The following MVB12B variants were observed in gnomAD, a reference collection of about 807,000 sequenced individuals.
MVB12B encodes the protein ESCRT-I complex subunit MVB12B.
In MVB12B, 16 loss-of-function variants were observed where a neutral mutation model predicts 41.6. The ratio of observed to expected loss-of-function variants is 0.38; its 90% confidence interval spans 0.26 to 0.58. MVB12B has a LOEUF of 0.58. MVB12B is among the 20% of genes least tolerant of loss of function. The probability of loss-of-function intolerance (pLI) is 0.62; values close to 1 mark genes in which losing one functional copy is unlikely to be tolerated. For synonymous variants in MVB12B, 133 were observed against 139.7 expected (o/e 0.95, Z 0.34); for missense variants, 274 against 380.2 (o/e 0.72, Z 2.32).
In MVB12B at chr9:126,392,114, G is replaced by T. The variant is rs1046059; in HGVS notation, c.458G>T (p.Arg153Leu). The T allele has an allele frequency of 1.2e-6, 2 of 1,614,188 alleles. No individual in the cohort carries two copies. The highest frequency in any genetic ancestry group is 1.7e-6 in the Non-Finnish European group (2 of 1,180,014). ...AGGCTGTGCATTAAATTTATTCCAC[G>T]GGATTCAACGGAAGCTGCGATTTGT... ...KKRLCIKFIPRDSTEAAICDI... is the reference protein window; with the variant it reads ...KKRLCIKFIPLDSTEAAICDI... Residue 153 changes from arginine (R) to leucine (L), a missense_variant, in exon 5 of 10, where the codon CGG becomes CTG. Arg to Leu is a moderately radical substitution (Grantham distance 102, BLOSUM62 -2). Coordinates refer to ENST00000361171, the MANE Select transcript of MVB12B (RefSeq NM_033446.3). This position sits in a 1 kb window ranked among gnomAD's most constrained non-coding sequence, Gnocchi z 4.8.
intron 2 of MVB12B, among the ~76,000 whole-genome samples, chr9:126,377,870 C>T (rs1830523747): frequency 6.6e-6 from 1 of 152,218 alleles, no homozygotes; most frequent in South Asian, 2.1e-4. Context: ...AGACTTGGTT[C>T]GCTGTCAGAG....
intron 2 of MVB12B, among the ~76,000 whole-genome samples, chr9:126,343,145 CA>C (rs965121685): frequency 3.9e-5 from 6 of 152,188 alleles, no homozygotes; most frequent in African/African-American, 1.4e-4. Flanking sequence ...CTCTCTGGGT[CA>C]GGGGAGCCTT....
chr9:126,489,114 C>T (rs1235571513), intron 9 of MVB12B, among the ~76,000 whole-genome samples: 2 of 152,220 alleles, frequency 1.3e-5, no homozygotes, highest in African/African-American at 2.4e-5. Context: ...AGCATGCGCT[C>T]CTGGGCCCGG....
intron 2 of MVB12B, among the ~76,000 whole-genome samples, chr9:126,349,801 T>C (rs1829698291): frequency 6.6e-6 from 1 of 152,260 alleles, no homozygotes; most frequent in South Asian, 2.1e-4. Context: ...CCATTATGAA[T>C]AAAGTTGCTA....
At chr9:126,351,483 C>CTTTTTTTTTTTTTTTTT (rs34141510) in intron 2 of MVB12B, among the ~76,000 whole-genome samples, 1 of 86,298 alleles carries the variant, frequency 1.2e-5, no homozygotes, top group African/African-American at 4.6e-5. Context: ...GTCTTTCACT[C>CTTTTTTTTTTTTTTTTT]TTTTTTTTTT....
In MVB12B at chr9:126,486,323, A is replaced by G. The variant is rs975857589; in HGVS notation, c.873+2291A>G. 1.3e-5 allele frequency among the ~76,000 whole-genome samples: 2 copies of G among 152,142 alleles called. No individual in the cohort carries two copies. Among genetic ancestry groups the G allele is most frequent in the African/African-American group, 4.8e-5 (2 of 41,420 alleles). ...AAGTCCACCTGCTTATGGACAGCCC[A>G]TTTGCATGGGGCCCTGCGTGTGGTG... On this transcript the variant is annotated intron_variant, in intron 9 of 9. Coordinates refer to ENST00000361171, the MANE Select transcript of MVB12B (RefSeq NM_033446.3). This position sits in a 1 kb window ranked among gnomAD's most constrained non-coding sequence, Gnocchi z 4.7.
intron 1 of MVB12B, among the ~76,000 whole-genome samples, chr9:126,331,708 G>C (rs1829136231): frequency 6.6e-6 from 1 of 152,218 alleles, no homozygotes; most frequent in South Asian, 2.1e-4. Flanking sequence ...CTTGCCTAAG[G>C]TTGTACAGTA....
At chr9:126,499,989 C>T (rs972642987) in intron 9 of MVB12B, among the ~76,000 whole-genome samples, 3 of 152,148 alleles carry the variant, frequency 2.0e-5, no homozygotes, top group African/African-American at 7.2e-5. Context: ...CCACGACAGC[C>T]CCTCTGCCGA....
At chr9:126,435,377 A>G (rs1009621358) in intron 7 of MVB12B, among the ~76,000 whole-genome samples, 2 of 152,190 alleles carry the variant, frequency 1.3e-5, no homozygotes, top group African/African-American at 2.4e-5. Flanking sequence ...AACTTTTGGC[A>G]TAATAGAAGG....
chr9:126,421,232 G>C (rs1187091532), intron 6 of MVB12B, among the ~76,000 whole-genome samples: 1 of 152,188 alleles, frequency 6.6e-6, no homozygotes, highest in Non-Finnish European at 1.5e-5. Flanking sequence ...ATCAAAGACT[G>C]TGCTGTATCT....
At chr9:126,412,116 G>A (rs111315649) in intron 6 of MVB12B, among the ~76,000 whole-genome samples, 6 of 152,324 alleles carry the variant, frequency 3.9e-5, no homozygotes, top group African/African-American at 9.6e-5. Flanking sequence ...CTTGGAGAGC[G>A]GGCGCTCTAG....
chr9:126,414,001 TG>T (rs1318998223), intron 6 of MVB12B, among the ~76,000 whole-genome samples: 5 of 152,208 alleles, frequency 3.3e-5, no homozygotes, highest in African/African-American at 9.7e-5. Flanking sequence ...CTTCATTATA[TG>T]TGGCCACTGG....
rs772113374 is a variant in MVB12B at position 126,391,050 on chromosome 9, G to A, written c.410-1016G>A. Among the ~76,000 whole-genome samples, 1 of 152,162 alleles carries A rather than the reference G, an allele frequency of 6.6e-6. No homozygotes were observed. Among genetic ancestry groups the A allele is most frequent in the African/African-American group, 2.4e-5 (1 of 41,436 alleles). On this transcript the variant is annotated intron_variant, in intron 4 of 9. Transcript: ENST00000361171. This position sits in a 1 kb window ranked among gnomAD's most constrained non-coding sequence, Gnocchi z 4.4. ...TGGATCTTAGCAACAGTCATCAGAG[G>A]GTGAGAAAGTGCTCAGAGGATGGCA... is the stretch of plus-strand genomic sequence containing the variant.
rs1214697652 is a variant in MVB12B at position 126,447,078 on chromosome 9, A to G, written c.757+25130A>G. On this transcript the variant is annotated intron_variant, in intron 7 of 9. Transcript: ENST00000361171. ...TCCTGCCTCAACCTCCTGAGTAGCT[A>G]GGACTACAGGTGCGCACCACTATGC... is the stretch of plus-strand genomic sequence containing the variant. Among the ~76,000 whole-genome samples the G allele has an allele frequency of 4.0e-5, 6 of 150,412 alleles. No homozygotes were observed. In the East Asian group the frequency reaches 1.2e-3, roughly 29 times the overall value.
At chr9:126,424,509 C>T (rs560006934) in intron 7 of MVB12B, among the ~76,000 whole-genome samples, 67 of 152,350 alleles carry the variant, frequency 4.4e-4, no homozygotes, top group African/African-American at 1.6e-3. Flanking sequence ...CCTGATTTTG[C>T]TGCTTGAATG....
At position 126,423,020 on chromosome 9, in the gene MVB12B, A is replaced by T. The variant is rs148188925; in HGVS notation, c.757+1072A>T. On this transcript the variant is annotated intron_variant, in intron 7 of 9. Coordinates refer to ENST00000361171, the MANE Select transcript of MVB12B (RefSeq NM_033446.3). ...GGGAACGTGTTTGTCTAAGAACAGC[A>T]TCTCCAGGGAGAATTTCTTTTGTGC... is the stretch of plus-strand genomic sequence containing the variant. Among the ~76,000 whole-genome samples, 548 of 152,314 alleles carry T rather than the reference A, an allele frequency of 3.6e-3. 2 individuals carry two copies. The highest frequency in any genetic ancestry group is 0.013 in the African/African-American group (527 of 41,582).
intron 7 of MVB12B, among the ~76,000 whole-genome samples, chr9:126,449,075 C>G (rs1297645835): frequency 6.6e-6 from 1 of 152,052 alleles, no homozygotes; most frequent in Non-Finnish European, 1.5e-5. Flanking sequence ...CTTGCCAATG[C>G]TCCCGTCAGC....
chr9:126,487,286 A>G (rs942899231), intron 9 of MVB12B, among the ~76,000 whole-genome samples: 2 of 152,246 alleles, frequency 1.3e-5, no homozygotes, highest in African/African-American at 4.8e-5. Flanking sequence ...GCTGGCTGCC[A>G]CTGTCATCAC....
intron 7 of MVB12B, among the ~76,000 whole-genome samples, chr9:126,464,411 G>A (rs1833157431): frequency 6.6e-6 from 1 of 151,596 alleles, no homozygotes; most frequent in South Asian, 2.1e-4. Flanking sequence ...AGGGAGGAGA[G>A]AGCAGCTAGG....
Sources: gnomAD v4.1 joint callset for allele counts (sites outside exome capture counted in the v4.1 genomes callset) on GRCh38, gnomAD v4.1.1 for gene constraint, Gnocchi (gnomAD v3.1) non-coding constraint, MANE v1.5 for transcripts, NCBI Gene and HGNC (gene_info 2026-07-23, HGNC 2026-07-21) for gene names.